The following PIEZO2 variants were observed in gnomAD, a reference collection of about 807,000 sequenced individuals.
PIEZO2 encodes the protein piezo type mechanosensitive ion channel component 2, also known as piezo-type mechanosensitive ion channel component 2.
Under a neutral mutation model 337.3 loss-of-function variants are expected in PIEZO2, and 172 were observed. The observed-to-expected ratio is 0.51, with a 90% CI of 0.45 to 0.58. The LOEUF is 0.58. Ranked by LOEUF, PIEZO2 falls within the 20% of genes least tolerant of loss-of-function variation. The pLI is 0.00. For synonymous variants in PIEZO2, 1,251 were observed against 1,228.5 expected (o/e 1.02, Z -0.38); for missense variants, 3,028 against 3,391.3 (o/e 0.89, Z 2.66).
chr18:10,792,528 ATATG>A (rs1365573860), intron 13 of PIEZO2, among the ~76,000 whole-genome samples: 9 of 152,228 alleles, frequency 5.9e-5, no homozygotes, highest in Non-Finnish European at 1.3e-4. Context: ...AAATTATATA[ATATG>A]TAGCCTTTCA....
Position 10,715,809 on chromosome 18 carries a change from G to A in PIEZO2, c.5097C>T (p.Ile1699=). 6.6e-7 allele frequency: 1 copy of A among 1,525,012 alleles called. No homozygotes were observed. The highest frequency in any genetic ancestry group is 2.4e-5 in the East Asian group (1 of 40,848). 94.5% of individuals were successfully genotyped at this position (1,525,012 alleles called of 1,614,324 possible). ...TCAAAATATTAAATATCCTCTTGAT[G>A]ATATTATCTAGGAGGAAGAAAGGCA... The part of the protein sequence containing the change: ...IKKKSDGPDN[I]IKRIFNILKF... Residue 1699 remains isoleucine, a synonymous_variant, in exon 38 of 56, where the codon ATC becomes ATT. Transcript: ENST00000674853.
rs2039725999 is a variant in PIEZO2, at chr18:11,111,324, C to A, written c.64+37201G>T. Among the ~76,000 whole-genome samples, 1 of 152,226 alleles carries A rather than the reference C, an allele frequency of 6.6e-6. No individual in the cohort carries two copies. The highest frequency in any genetic ancestry group is 6.5e-5 in the Admixed American group (1 of 15,284). The stretch of plus-strand genomic sequence containing the variant: ...GCCTGCAATCTCCTCTATTTAAACC[C>A]TCTATACATGGATTATCTACAGTGG... On this transcript the variant is annotated intron_variant, in intron 1 of 55. Coordinates refer to ENST00000674853, the MANE Select transcript of PIEZO2 (RefSeq NM_001378183.1). This position sits in a 1 kb window ranked among gnomAD's most constrained non-coding sequence, Gnocchi z 6.2.
Position 10,962,273 on chromosome 18 carries a change from T to G in PIEZO2, c.286+17262A>C, listed in dbSNP as rs920624496. Among the ~76,000 whole-genome samples, 48 of 152,156 alleles carry G rather than the reference T, an allele frequency of 3.2e-4. No individual in the cohort carries two copies. The highest frequency in any genetic ancestry group is 2.9e-5 in the Non-Finnish European group (2 of 68,020). On this transcript the variant is annotated intron_variant, in intron 3 of 55. Transcript: ENST00000674853. This position sits in a 1 kb window ranked among gnomAD's most constrained non-coding sequence, Gnocchi z 4.1. ...AGGTTAAATACGCAATCGTAGCCCT[T>G]CTCCCATCCATTCTGCATCTCCCCT... is the stretch of plus-strand genomic sequence containing the variant.
intron 4 of PIEZO2, among the ~76,000 whole-genome samples, chr18:10,900,963 CA>C (rs2043031362): frequency 6.6e-6 from 1 of 152,120 alleles, no homozygotes; most frequent in Admixed American, 6.5e-5. Context: ...GTACTATGCT[CA>C]ATTCTTCATG....
In PIEZO2 at chr18:10,962,504, C is replaced by T. The variant is rs1474278445; in HGVS notation, c.286+17031G>A. On this transcript the variant is annotated intron_variant, in intron 3 of 55. Coordinates refer to ENST00000674853, the MANE Select transcript of PIEZO2 (RefSeq NM_001378183.1). The surrounding 1 kb of genome is among the most constrained non-coding windows in gnomAD (Gnocchi z 4.1). The stretch of plus-strand genomic sequence containing the variant: ...GGTGTAGAGTTCATGGCCAAGCTTC[C>T]TCCAGTCTCTGTAGGTGTGATGTTT... Among the ~76,000 whole-genome samples the T allele has an allele frequency of 6.6e-6, 1 of 152,144 alleles. No homozygotes were observed. Among genetic ancestry groups the T allele is most frequent in the Non-Finnish European group, 1.5e-5 (1 of 68,020 alleles).
intron 4 of PIEZO2, among the ~76,000 whole-genome samples, chr18:10,886,376 G>GTATA (rs1285711264): frequency 1.4e-4 from 2 of 13,808 alleles, no homozygotes; most frequent in Non-Finnish European, 2.0e-4. Flanking sequence ...ATATGTGTGT[G>GTATA]TGTGTATATA....
chr18:10,972,844 G>T (rs1276421254), intron 3 of PIEZO2, among the ~76,000 whole-genome samples: 4 of 152,144 alleles, frequency 2.6e-5, no homozygotes, highest in African/African-American at 9.7e-5. Flanking sequence ...ATGAACAACA[G>T]CTTGTACTAT....
rs1356948604 is a variant in PIEZO2, at chr18:11,035,420, T to C, written c.160+30707A>G. Among the ~76,000 whole-genome samples the C allele has an allele frequency of 6.6e-6, 1 of 152,116 alleles. No homozygotes were observed. Among genetic ancestry groups the C allele is most frequent in the East Asian group, 1.9e-4 (1 of 5,194 alleles). ...CAATGAGTAAAAGCTTCCTGAGGTC[T>C]TGACCAGAAGAACGCCAGTGCCGTG... On this transcript the variant is annotated intron_variant, in intron 2 of 55. Transcript: ENST00000674853. This position sits in a 1 kb window ranked among gnomAD's most constrained non-coding sequence, Gnocchi z 4.3.
chr18:10,860,729 T>C (rs2041849919), intron 5 of PIEZO2, among the ~76,000 whole-genome samples: 1 of 152,216 alleles, frequency 6.6e-6, no homozygotes, highest in Non-Finnish European at 1.5e-5. Context: ...GTGACTTTCA[T>C]AATAAATGTG....
At chr18:10,741,194 G>T in intron 32 of PIEZO2, 92 bp from the exon 33 acceptor site, 2 of 1,186,330 alleles carry the variant, frequency 1.7e-6, no homozygotes, top group Non-Finnish European at 2.3e-6. Context: ...TCAAATCTAG[G>T]TAAATTGCAA....
At chr18:10,885,312 T>C (rs2042545978) in intron 4 of PIEZO2, among the ~76,000 whole-genome samples, 1 of 152,034 alleles carries the variant, frequency 6.6e-6, no homozygotes, top group Non-Finnish European at 1.5e-5. Context: ...TAGTCCTAGC[T>C]ACTCAGGAGG....
chr18:11,148,617 G>C lies in PIEZO2; in HGVS notation c.-29C>G. ...GTCGGTCCGGCGAGTCGGAGCAGAGGGGCGAGGCTCGAGGGTCCCTAGGGG... is the reference window on the plus strand; with the variant it reads ...GTCGGTCCGGCGAGTCGGAGCAGAGCGGCGAGGCTCGAGGGTCCCTAGGGG... On this transcript the variant is annotated 5_prime_UTR_variant, in exon 1 of 56. Transcript: ENST00000674853. This position sits in a 1 kb window ranked among gnomAD's most constrained non-coding sequence, Gnocchi z 5.2. The C allele has an allele frequency of 2.0e-6, 3 of 1,536,556 alleles. No individual in the cohort carries two copies. The highest frequency in any genetic ancestry group is 2.4e-5 in the East Asian group (1 of 40,862).
chr18:10,717,490 C>T (rs534548122), intron 37 of PIEZO2, among the ~76,000 whole-genome samples: 16 of 152,262 alleles, frequency 1.1e-4, no homozygotes, highest in East Asian at 1.9e-4. Flanking sequence ...CCAAAGCAGA[C>T]GAAGAGATAA....
chr18:10,990,182 G>T (rs921556489), intron 2 of PIEZO2, among the ~76,000 whole-genome samples: 1 of 152,016 alleles, frequency 6.6e-6, no homozygotes, highest in Non-Finnish European at 1.5e-5. Flanking sequence ...AAAATGGTAA[G>T]AAACAAAAGG....
At chr18:10,684,750 G>A (rs1054909691) in intron 49 of PIEZO2, among the ~76,000 whole-genome samples, 1 of 152,202 alleles carries the variant, frequency 6.6e-6, no homozygotes, top group Non-Finnish European at 1.5e-5. Flanking sequence ...ACAAGCGTGA[G>A]CCACCACATT....
rs767804714 is a variant in PIEZO2 at position 10,903,622 on chromosome 18, G to A, written c.329+7564C>T. Among the ~76,000 whole-genome samples the A allele has an allele frequency of 4.0e-5, 6 of 151,058 alleles. No individual in the cohort carries two copies. The highest frequency in any genetic ancestry group is 7.3e-5 in the African/African-American group (3 of 41,056). On this transcript the variant is annotated intron_variant, in intron 4 of 55. Transcript: ENST00000674853. This position sits in a 1 kb window ranked among gnomAD's most constrained non-coding sequence, Gnocchi z 4.1. ...GAGGAGGCAGAGCTTGCAGTGAGCC[G>A]AGATCACACCACTGCACTCCAGCCT...
At chr18:11,051,093 T>C (rs972175839) in intron 2 of PIEZO2, among the ~76,000 whole-genome samples, 1 of 152,114 alleles carries the variant, frequency 6.6e-6, no homozygotes, top group African/African-American at 2.4e-5. Context: ...TCATTATCTG[T>C]CTTCTGGTTA....
At chr18:10,966,303 T>C (rs2033996439) in intron 3 of PIEZO2, among the ~76,000 whole-genome samples, 1 of 152,116 alleles carries the variant, frequency 6.6e-6, no homozygotes, top group African/African-American at 2.4e-5. Flanking sequence ...CTCCCCACCA[T>C]CTTCAGTTCT....
At chr18:10,845,433 A>G (rs1286486769) in intron 7 of PIEZO2, among the ~76,000 whole-genome samples, 1 of 152,214 alleles carries the variant, frequency 6.6e-6, no homozygotes, top group African/African-American at 2.4e-5. Flanking sequence ...TTCCACACAA[A>G]CTGGAAATCA....
Sources: allele counts gnomAD v4.1 joint callset (sites outside exome capture counted in the v4.1 genomes callset), GRCh38; gene constraint gnomAD v4.1.1; non-coding constraint Gnocchi (gnomAD v3.1); transcripts MANE v1.5; gene names NCBI Gene and HGNC (gene_info 2026-07-23, HGNC 2026-07-21).